NFX1: variants seen among roughly 807,000 people sequenced by gnomAD.
The protein encoded by NFX1 is nuclear transcription factor, X-box binding 1, also known as transcriptional repressor NF-X1.
NFX1 carries 69 observed loss-of-function variants against 137.2 expected under a neutral mutation model. That is an observed-to-expected ratio of 0.50 (90% CI 0.41 to 0.61). The LOEUF is 0.61. Among genes scored for constraint, NFX1 ranks in the 20% least tolerant of loss-of-function variants. The pLI is 0.00. For missense variants in NFX1, 1,167 were observed against 1,391.0 expected (o/e 0.84, Z 2.56); for synonymous variants, 495 against 474.1 (o/e 1.04, Z -0.57).
intron 15 of NFX1, among the ~76,000 whole-genome samples, chr9:33,351,005 G>A (rs1823615647): frequency 2.0e-5 from 3 of 152,250 alleles, no homozygotes; most frequent in East Asian, 1.9e-4. Context: ...TTAGCTGGTC[G>A]TGGTGGTACA....
rs917111354 is a variant in NFX1, at chr9:33,370,799, GAGAA to G, written c.*825_*828del. On this transcript the variant is annotated 3_prime_UTR_variant, in exon 24 of 24. Transcript: ENST00000379540. Reference sequence around the variant, plus strand: ...GTATATCCCTAACTCCTCTTTGATAGAGAAAGAGTCTCAAATGGACAACTGTCCT... The same window carrying G: ...GTATATCCCTAACTCCTCTTTGATAGAGAGTCTCAAATGGACAACTGTCCT... 1.8e-4 allele frequency: 27 copies of G among 152,246 alleles called. No individual in the cohort carries two copies. The highest frequency in any genetic ancestry group is 5.3e-4 in the African/African-American group (22 of 41,456). The allele number at this position is 152,246 out of a possible 1,614,324, so 9.4% of individuals were successfully genotyped here. A position where few individuals can be genotyped will look rare whatever the true frequency, so the allele number is the denominator to read the frequency against.
At chr9:33,363,449 A>C (rs1038095919) in intron 19 of NFX1, among the ~76,000 whole-genome samples, 1 of 151,682 alleles carries the variant, frequency 6.6e-6, no homozygotes, top group African/African-American at 2.4e-5. Flanking sequence ...ACACCCGGCT[A>C]ATTTTTGTAT....
rs1821318205 is a variant in NFX1, at chr9:33,295,389, A to G, written c.995A>G (p.Lys332Arg). The G allele has an allele frequency of 1.2e-6, 2 of 1,614,066 alleles. No individual in the cohort carries two copies. Among genetic ancestry groups the G allele is most frequent in the Non-Finnish European group, 1.7e-6 (2 of 1,179,982 alleles). Reference protein sequence around the residue: ...PQVVSPFSRGKQNHVLKNVET... With the variant: ...PQVVSPFSRGRQNHVLKNVET... Reference sequence around the variant, plus strand: ...GTAGTATCTCCTTTCTCCCGAGGCAAACAGAACCATGTGCTAAAGAATGTG... The same window carrying G: ...GTAGTATCTCCTTTCTCCCGAGGCAGACAGAACCATGTGCTAAAGAATGTG... Residue 332 changes from lysine to arginine, a missense_variant, in exon 2 of 24, where the codon AAA becomes AGA. Lys to Arg is a conservative substitution (Grantham distance 26). Coordinates refer to ENST00000379540, the MANE Select transcript of NFX1 (RefSeq NM_002504.6).
intron 4 of NFX1, 145 bp downstream of exon 4, chr9:33,303,413 C>T: frequency 1.5e-6 from 1 of 674,906 alleles, no homozygotes; most frequent in Non-Finnish European, 2.5e-6. Flanking sequence ...TTATGTGGTC[C>T]ATCACACAGC....
Position 33,367,630 on chromosome 9 carries a change from C to A in NFX1, c.3290+11C>A, listed in dbSNP as rs1824208795. On this transcript the variant is annotated intron_variant, in intron 23 of 23. Transcript: ENST00000379540. ...ACATCAGTCAGACAAGTAAGATTCTCCAGCTGCTTTCCAAGGGGACCTGTC... is the reference window on the plus strand; with the variant it reads ...ACATCAGTCAGACAAGTAAGATTCTACAGCTGCTTTCCAAGGGGACCTGTC... 1 of 1,612,296 alleles carries A rather than the reference C, an allele frequency of 6.2e-7. No individual in the cohort carries two copies. Among genetic ancestry groups the A allele is most frequent in the Non-Finnish European group, 8.5e-7 (1 of 1,178,774 alleles).
intron 23 of NFX1, among the ~76,000 whole-genome samples, chr9:33,369,700 C>T (rs920465669): frequency 2.4e-4 from 37 of 151,902 alleles, no homozygotes; most frequent in Admixed American, 4.6e-4. Flanking sequence ...TAAAATTCCC[C>T]ATGTAATATG....
Position 33,364,120 on chromosome 9 carries a change from G to T in NFX1, c.2972+12G>T. On this transcript the variant is annotated intron_variant, in intron 20 of 23. Transcript: ENST00000379540. ...AAAGAAGATGCCAGGTATGTAACTT[G>T]TTACCTGCTTTCTTAATTGTGGCTT... 2 of 1,577,050 alleles carry T rather than the reference G, an allele frequency of 1.3e-6. No individual in the cohort carries two copies. Among genetic ancestry groups the T allele is most frequent in the South Asian group, 2.3e-5 (2 of 86,090 alleles).
chr9:33,367,725 G>A, intron 23 of NFX1, 106 bp downstream of exon 23: 1 of 997,064 alleles, frequency 1.0e-6, no homozygotes, highest in Non-Finnish European at 1.5e-6. Context: ...CCTCAGGCCT[G>A]GCCTTGGGGT....
intron 19 of NFX1, among the ~76,000 whole-genome samples, chr9:33,355,357 G>A (rs981183888): frequency 2.0e-5 from 3 of 152,096 alleles, no homozygotes; most frequent in Non-Finnish European, 2.9e-5. Context: ...TACCAGAACC[G>A]TCTCTTGTAC....
chr9:33,368,249 A>G lies in NFX1; in HGVS notation c.3290+630A>G, dbSNP rs188161527. Among the ~76,000 whole-genome samples the G allele has an allele frequency of 5.9e-5, 9 of 152,230 alleles. No individual in the cohort carries two copies. The East Asian group carries it at 1.5e-3, about 26-fold the overall frequency. On this transcript the variant is annotated intron_variant, in intron 23 of 23. Transcript: ENST00000379540. The stretch of plus-strand genomic sequence containing the variant: ...CAGACTCCATCTCAAAAAAAAAAGA[A>G]TAGTTACTCTGAAGATGCAAGTGGG...
At chr9:33,293,717 G>T (rs1181474057) in intron 1 of NFX1, among the ~76,000 whole-genome samples, 1 of 152,178 alleles carries the variant, frequency 6.6e-6, no homozygotes, top group African/African-American at 2.4e-5. Context: ...TCTTCTGGGG[G>T]AACATGAGTG....
At chr9:33,345,021 G>A (rs1823365248) in intron 14 of NFX1, among the ~76,000 whole-genome samples, 2 of 151,800 alleles carry the variant, frequency 1.3e-5, no homozygotes, top group Non-Finnish European at 2.9e-5. Flanking sequence ...AGTTAGCCAG[G>A]CATTGTGGCG....
intron 11 of NFX1, among the ~76,000 whole-genome samples, chr9:33,333,990 C>CA (rs910344844): frequency 3.9e-5 from 6 of 151,994 alleles, no homozygotes; most frequent in African/African-American, 1.4e-4. Context: ...ACTAAAAATA[C>CA]AAAAATTAGC....
chr9:33,329,349 A>T (rs867407935), intron 10 of NFX1, among the ~76,000 whole-genome samples: 1 of 152,174 alleles, frequency 6.6e-6, no homozygotes, highest in African/African-American at 2.4e-5. Context: ...GGCTAATCTC[A>T]GTCTCCAGTC....
At chr9:33,368,145 G>A (rs1432220551) in intron 23 of NFX1, among the ~76,000 whole-genome samples, 1 of 152,036 alleles carries the variant, frequency 6.6e-6, no homozygotes, top group Non-Finnish European at 1.5e-5. Flanking sequence ...TGAGGCAAGA[G>A]AATCACTTGA....
rs762577713 is a variant in NFX1, at chr9:33,307,267, G to A, written c.1344G>A (p.Gln448=). The A allele has an allele frequency of 2.1e-5, 34 of 1,614,038 alleles. 1 individual carries two copies. The South Asian group carries it at 3.4e-4, about 16-fold the overall frequency. ...GTGGTGAGGTTTGTAGAAAGAAACAGCCTGGCCAGGACTGCCCACATTCCT... is the reference window on the plus strand; with the variant it reads ...GTGGTGAGGTTTGTAGAAAGAAACAACCTGGCCAGGACTGCCCACATTCCT... ...HSCGEVCRKK[Q]PGQDCPHSCN... Residue 448 remains glutamine (Q), a synonymous_variant, in exon 5 of 24, where the codon CAG becomes CAA. Coordinates refer to ENST00000379540, the MANE Select transcript of NFX1 (RefSeq NM_002504.6).
At chr9:33,367,463 T>C in intron 22 of NFX1, 52 bp from the exon 23 acceptor site, 1 of 1,581,750 alleles carries the variant, frequency 6.3e-7, no homozygotes, top group South Asian at 1.1e-5. Context: ...TTTCTGTCCA[T>C]CTCCACAAAC....
chr9:33,324,940 A>T (rs909752803), intron 9 of NFX1, among the ~76,000 whole-genome samples: 2 of 151,904 alleles, frequency 1.3e-5, no homozygotes, highest in Non-Finnish European at 2.9e-5. Flanking sequence ...AAAAAAAAAA[A>T]AAAGAAAGAG....
At chr9:33,336,453 A>G (rs1486269319) in intron 11 of NFX1, among the ~76,000 whole-genome samples, 1 of 152,100 alleles carries the variant, frequency 6.6e-6, no homozygotes, top group East Asian at 1.9e-4. Context: ...TGACCTCGTG[A>G]TCCGCCTGCC....
Sources: allele counts gnomAD v4.1 joint callset (sites outside exome capture counted in the v4.1 genomes callset), GRCh38; gene constraint gnomAD v4.1.1; transcripts MANE v1.5; gene names NCBI Gene and HGNC (gene_info 2026-07-23, HGNC 2026-07-21).